Variants in THSD4 observed in about 807,000 individuals in gnomAD.
The protein encoded by THSD4 is thrombospondin type-1 domain-containing protein 4.
In THSD4, 69 loss-of-function variants were observed where a neutral mutation model predicts 119.0. The ratio of observed to expected loss-of-function variants is 0.58; its 90% CI spans 0.48 to 0.71. THSD4 has a LOEUF of 0.71. THSD4 is among the 30% of genes least tolerant of loss of function. THSD4 has a pLI of 0.00. For synonymous variants in THSD4, 524 were observed against 540.4 expected, an observed-to-expected ratio of 0.97 and a Z score of 0.42; for missense variants, 1,393 against 1,391.1, an observed-to-expected ratio of 1.00 and a Z score of -0.02.
In THSD4 at chr15:71,728,109, T is replaced by C. The variant is rs547221643; in HGVS notation, c.1358-440T>C. 9.2e-5 allele frequency among the ~76,000 whole-genome samples: 14 copies of C among 152,144 alleles called. No homozygotes were observed. In the South Asian group the frequency reaches 2.1e-3, roughly 23 times the overall value. ...CAATTCTTAAATTTGGGCTCAGTTA[T>C]TTTTTTTAATAACACTACAGAAGCC... On this transcript the variant is annotated intron_variant, in intron 8 of 17. Transcript: ENST00000261862.
intron 3 of THSD4, among the ~76,000 whole-genome samples, chr15:71,200,668 T>C (rs2043796030): frequency 6.6e-6 from 1 of 152,204 alleles, no homozygotes; most frequent in Non-Finnish European, 1.5e-5. Context: ...TTTTTCTCTA[T>C]GGATTTAGTT....
chr15:71,116,509 G>C (rs1596205897), intron 1 of THSD4, among the ~76,000 whole-genome samples: 1 of 152,184 alleles, frequency 6.6e-6, no homozygotes, highest in Non-Finnish European at 1.5e-5. Context: ...ACCCAGCACC[G>C]TACCTCCCAG....
chr15:71,286,221 G>A (rs55924047), intron 6 of THSD4, among the ~76,000 whole-genome samples: 21,649 of 152,080 alleles, frequency 0.14, 1,839 homozygotes, highest in South Asian at 0.28. Context: ...CTAAATGTGC[G>A]TCATGGGGGT....
intron 8 of THSD4, among the ~76,000 whole-genome samples, chr15:71,697,516 G>A (rs2052189294): frequency 6.6e-6 from 1 of 152,244 alleles, no homozygotes; most frequent in South Asian, 2.1e-4. Context: ...CGGCAGGCAG[G>A]CAAAGAAGTA....
At chr15:71,595,787 T>G (rs2049897327) in intron 7 of THSD4, among the ~76,000 whole-genome samples, 1 of 152,210 alleles carries the variant, frequency 6.6e-6, no homozygotes, top group South Asian at 2.1e-4. Context: ...GCCCTCCATT[T>G]AAAGACGGTA....
chr15:71,546,766 C>G (rs1182800037), intron 7 of THSD4, among the ~76,000 whole-genome samples: 2 of 152,236 alleles, frequency 1.3e-5, no homozygotes, highest in Admixed American at 1.3e-4. Context: ...CCTGTTGAGG[C>G]TGCCCTTGAT....
At chr15:71,404,868 TC>T (rs1444165486) in intron 6 of THSD4, among the ~76,000 whole-genome samples, 6 of 148,212 alleles carry the variant, frequency 4.0e-5, no homozygotes, top group Admixed American at 7.0e-5. Context: ...TTCTTTTCTT[TC>T]CTTTCTTTTC....
chr15:71,680,520 A>T (rs1257511641), intron 8 of THSD4, among the ~76,000 whole-genome samples: 6 of 152,252 alleles, frequency 3.9e-5, no homozygotes, highest in Admixed American at 3.3e-4. Flanking sequence ...AACTGCATTA[A>T]GATTTCTTGT....
At chr15:71,723,204 T>A (rs1275788394) in intron 8 of THSD4, among the ~76,000 whole-genome samples, 1 of 152,198 alleles carries the variant, frequency 6.6e-6, no homozygotes, top group Non-Finnish European at 1.5e-5. Context: ...TGTATGGGCA[T>A]TTCAAGTTTT....
chr15:71,149,805 A>C (rs2040702223), intron 2 of THSD4, among the ~76,000 whole-genome samples: 1 of 152,054 alleles, frequency 6.6e-6, no homozygotes, highest in Non-Finnish European at 1.5e-5. Context: ...GACAGTATCC[A>C]CCCTCACTGC....
rs184532953 is a variant in THSD4, at chr15:71,205,031, C to T, written c.100-10004C>T. 1.3e-4 allele frequency among the ~76,000 whole-genome samples: 20 copies of T among 152,306 alleles called. No individual in the cohort carries two copies. In the East Asian group the frequency reaches 3.9e-3, roughly 29 times the overall value. On this transcript the variant is annotated intron_variant, in intron 3 of 17. Transcript: ENST00000261862. ...GGGGTGTCCAGTGGTCAGTGATTCT[C>T]AAACCAGAGGATGCATTCAAATCAC...
intron 7 of THSD4, among the ~76,000 whole-genome samples, chr15:71,523,070 G>A (rs913135560): frequency 1.3e-5 from 2 of 152,184 alleles, no homozygotes; most frequent in East Asian, 1.9e-4. Flanking sequence ...GTGTTAGCTC[G>A]TGTTGCTTCA....
At chr15:71,306,810 GC>G (rs1419596738) in intron 6 of THSD4, among the ~76,000 whole-genome samples, 1 of 152,216 alleles carries the variant, frequency 6.6e-6, no homozygotes, top group Non-Finnish European at 1.5e-5. Flanking sequence ...CCTTGTGTTT[GC>G]CAAACATATT....
At chr15:71,557,374 A>G (rs781704494) in intron 7 of THSD4, among the ~76,000 whole-genome samples, 4 of 152,116 alleles carry the variant, frequency 2.6e-5, no homozygotes, top group Non-Finnish European at 5.9e-5. Context: ...TAATTTTATA[A>G]CATGACTATT....
At chr15:71,224,709 G>T (rs1394548015) in intron 4 of THSD4, among the ~76,000 whole-genome samples, 2 of 152,162 alleles carry the variant, frequency 1.3e-5, no homozygotes, top group African/African-American at 4.8e-5. Context: ...CCCTTCTCCA[G>T]CTTTGAGAGG....
intron 6 of THSD4, among the ~76,000 whole-genome samples, chr15:71,320,010 G>A (rs898755463): frequency 6.6e-6 from 1 of 152,156 alleles, no homozygotes; most frequent in African/African-American, 2.4e-5. Context: ...TTTTAAATTG[G>A]TGGTTGTTGT....
intron 6 of THSD4, among the ~76,000 whole-genome samples, chr15:71,334,065 A>G (rs1448631466): frequency 1.3e-5 from 2 of 152,208 alleles, no homozygotes; most frequent in Non-Finnish European, 2.9e-5. Context: ...GAAAGTATCT[A>G]AAGAAACATT....
intron 6 of THSD4, among the ~76,000 whole-genome samples, chr15:71,394,237 C>T (rs1431643724): frequency 6.8e-6 from 1 of 147,710 alleles, no homozygotes; most frequent in African/African-American, 2.5e-5. Flanking sequence ...TCTGGGCTGT[C>T]ATACACTCTG....
At chr15:71,770,805 C>CTGAAG (rs2053809066) in intron 16 of THSD4, among the ~76,000 whole-genome samples, 1 of 152,104 alleles carries the variant, frequency 6.6e-6, no homozygotes, top group South Asian at 2.1e-4. Context: ...GAGCTACAGC[C>CTGAAG]TGAAGTATAT....
Sources: gnomAD v4.1 joint callset for allele counts (sites outside exome capture counted in the v4.1 genomes callset) on GRCh38, gnomAD v4.1.1 for gene constraint, MANE v1.5 for transcripts, NCBI Gene and HGNC (gene_info 2026-07-23, HGNC 2026-07-21) for gene names.